Variants in PLCB4 observed in about 807,000 individuals in gnomAD.
PLCB4 encodes the protein phospholipase C beta 4.
In PLCB4, 77 loss-of-function variants were observed where a neutral mutation model predicts 178.8. That is an observed-to-expected ratio of 0.43 (90% CI 0.36 to 0.52). The LOEUF (loss-of-function observed/expected upper bound fraction) is 0.52. PLCB4 is among the 20% of genes least tolerant of loss of function. The pLI is 0.00. For missense variants in PLCB4, 1,024 were observed against 1,453.4 expected (o/e 0.70, Z 4.80); for synonymous variants, 496 against 490.8 (o/e 1.01, Z -0.14).
intron 9 of PLCB4, among the ~76,000 whole-genome samples, chr20:9,370,245 G>C (rs556693276): frequency 6.6e-6 from 1 of 152,222 alleles, no homozygotes; most frequent in East Asian, 1.9e-4. Flanking sequence ...TATGTCTTGG[G>C]GTACTACTGA....
intron 3 of PLCB4, among the ~76,000 whole-genome samples, chr20:9,271,074 G>A (rs757887347): frequency 6.6e-5 from 10 of 152,142 alleles, no homozygotes; most frequent in Non-Finnish European, 1.5e-4. Flanking sequence ...ACAACATTCT[G>A]TTTTAGGTCT....
At chr20:9,121,655 G>A (rs920047353) in intron 2 of PLCB4, among the ~76,000 whole-genome samples, 1 of 152,172 alleles carries the variant, frequency 6.6e-6, no homozygotes, top group African/African-American at 2.4e-5. Flanking sequence ...GAAAGGGAAA[G>A]ACAAGTCTTC....
At chr20:9,475,429 T>G (rs75088528) in intron 38 of PLCB4, among the ~76,000 whole-genome samples, 5,232 of 152,262 alleles carry the variant, frequency 0.034, 269 homozygotes, top group African/African-American at 0.12. Context: ...CTGTATTGAT[T>G]AGATTGTATT....
At chr20:9,342,494 T>G (rs540310569) in intron 7 of PLCB4, among the ~76,000 whole-genome samples, 1 of 152,286 alleles carries the variant, frequency 6.6e-6, no homozygotes, top group Non-Finnish European at 1.5e-5. Context: ...ATCACAAAAG[T>G]CAATTCGAGC....
rs1555828808 is a variant in PLCB4 at position 9,115,431 on chromosome 20, TTC to T, written c.-79+19091_-79+19092del. Among the ~76,000 whole-genome samples, 107 of 138,752 alleles carry T rather than the reference TTC, an allele frequency of 7.7e-4. No homozygotes were observed. In the East Asian group the frequency reaches 0.014, roughly 19 times the overall value. 91.0% of individuals were successfully genotyped at this position (138,752 alleles called of 152,430 possible). ...ATGAATAGATTTTTAAAACTTCTTC[TTC>T]TTTTTTTTTAATACTTTAAGTTTTA... On this transcript the variant is annotated intron_variant, in intron 2 of 39. Coordinates refer to ENST00000378473, the MANE Select transcript of PLCB4 (RefSeq NM_001377142.1).
intron 1 of PLCB4, among the ~76,000 whole-genome samples, chr20:9,080,109 T>C (rs2090075068): frequency 6.6e-6 from 1 of 152,228 alleles, no homozygotes; most frequent in African/African-American, 2.4e-5. Context: ...GTAATTTTCC[T>C]TCAAGGAAGT....
In PLCB4 at chr20:9,146,263, C is replaced by T. The variant is rs529399689; in HGVS notation, c.-79+49921C>T. Among the ~76,000 whole-genome samples, 3 of 152,074 alleles carry T rather than the reference C, an allele frequency of 2.0e-5. 1 individual carries two copies. In the South Asian group the frequency reaches 6.2e-4, roughly 32 times the overall value. On this transcript the variant is annotated intron_variant, in intron 2 of 39. Coordinates refer to ENST00000378473, the MANE Select transcript of PLCB4 (RefSeq NM_001377142.1). ...GACAATATTAGTGCTTTTGTATCAC[C>T]TTATTTCAAAGCTGCATGATTCAGG...
intron 7 of PLCB4, among the ~76,000 whole-genome samples, chr20:9,354,273 G>A (rs530466796): frequency 1.1e-3 from 167 of 152,298 alleles, no homozygotes; most frequent in African/African-American, 3.8e-3. Context: ...TAGTTAGTTA[G>A]CGTTTGAAAA....
chr20:9,282,792 A>G (rs2094505246), intron 3 of PLCB4, among the ~76,000 whole-genome samples: 1 of 152,002 alleles, frequency 6.6e-6, no homozygotes, highest in Non-Finnish European at 1.5e-5. Context: ...ATAACCTAGG[A>G]TGGCCTCACT....
chr20:9,229,305 C>T (rs1404331773), intron 3 of PLCB4, among the ~76,000 whole-genome samples: 1 of 152,098 alleles, frequency 6.6e-6, no homozygotes, highest in East Asian at 1.9e-4. Flanking sequence ...AAGCTGCTTT[C>T]AGTGGATGTG....
chr20:9,156,254 C>T (rs1600772623), intron 2 of PLCB4, among the ~76,000 whole-genome samples: 1 of 152,248 alleles, frequency 6.6e-6, no homozygotes, highest in Middle Eastern at 3.4e-3. Context: ...TGGGCAATAC[C>T]TCTCTCAATG....
At chr20:9,082,389 C>T (rs928045835) in intron 1 of PLCB4, among the ~76,000 whole-genome samples, 8 of 152,114 alleles carry the variant, frequency 5.3e-5, no homozygotes, top group East Asian at 3.9e-4. Context: ...GCATTTTATT[C>T]GTAGTGGTTT....
intron 3 of PLCB4, among the ~76,000 whole-genome samples, chr20:9,270,494 A>G (rs1177246280): frequency 1.3e-5 from 2 of 152,164 alleles, no homozygotes; most frequent in African/African-American, 4.8e-5. Flanking sequence ...TGTTGCTTGT[A>G]TAGGTAATCT....
chr20:9,100,818 T>C (rs574022938), intron 2 of PLCB4, among the ~76,000 whole-genome samples: 1 of 152,266 alleles, frequency 6.6e-6, no homozygotes, highest in Admixed American at 6.5e-5. Flanking sequence ...CTTAAGCATA[T>C]TGTCTCTTCC....
chr20:9,093,606 A>C (rs1410109974), intron 1 of PLCB4, among the ~76,000 whole-genome samples: 1 of 151,986 alleles, frequency 6.6e-6, no homozygotes, highest in Non-Finnish European at 1.5e-5. Flanking sequence ...GTTAGGATTT[A>C]GTGTTAGATC....
chr20:9,260,991 A>G (rs1474241781), intron 3 of PLCB4, among the ~76,000 whole-genome samples: 2 of 152,146 alleles, frequency 1.3e-5, no homozygotes, highest in Non-Finnish European at 2.9e-5. Context: ...CCCTAAGTAT[A>G]TTAGTCCAAG....
intron 3 of PLCB4, among the ~76,000 whole-genome samples, chr20:9,234,209 A>G (rs1478918336): frequency 4.6e-5 from 7 of 152,162 alleles, no homozygotes. Context: ...GAGGAAAAAT[A>G]TGGATAAAAA....
intron 2 of PLCB4, among the ~76,000 whole-genome samples, chr20:9,123,046 T>A (rs1311699985): frequency 6.6e-6 from 1 of 152,016 alleles, no homozygotes; most frequent in Non-Finnish European, 1.5e-5. Context: ...CAATATAGTT[T>A]GGGAAAAATA....
At chr20:9,222,432 T>C (rs1258846858) in intron 3 of PLCB4, among the ~76,000 whole-genome samples, 3 of 151,464 alleles carry the variant, frequency 2.0e-5, no homozygotes, top group Non-Finnish European at 2.9e-5. Flanking sequence ...CAAAATTTCA[T>C]GATTGTTCAC....
Sources: allele counts gnomAD v4.1 joint callset (sites outside exome capture counted in the v4.1 genomes callset), GRCh38; gene constraint gnomAD v4.1.1; transcripts MANE v1.5; gene names NCBI Gene and HGNC (gene_info 2026-07-23, HGNC 2026-07-21).